WDR70: variants seen among roughly 807,000 people sequenced by gnomAD.
WDR70 encodes the protein WD repeat-containing protein 70.
Under a neutral mutation model 88.6 loss-of-function variants are expected in WDR70, and 53 were observed. The observed-to-expected ratio is 0.60, with a 90% CI of 0.48 to 0.75. The LOEUF (loss-of-function observed/expected upper bound fraction) is 0.75. WDR70 is among the 30% of genes least tolerant of loss of function. The probability of loss-of-function intolerance (pLI) is 0.00; values close to 1 mark genes in which losing one functional copy is unlikely to be tolerated. For synonymous variants in WDR70, 280 were observed against 270.0 expected, an observed-to-expected ratio of 1.04 and a Z score of -0.36; for missense variants, 610 against 823.2, an observed-to-expected ratio of 0.74 and a Z score of 3.17.
At chr5:37,607,985 T>G (rs1744081090) in intron 10 of WDR70, among the ~76,000 whole-genome samples, 1 of 150,920 alleles carries the variant, frequency 6.6e-6, no homozygotes, top group Admixed American at 6.6e-5. Context: ...ATTGGAGCAG[T>G]AAAAGCATGC....
intron 9 of WDR70, among the ~76,000 whole-genome samples, chr5:37,602,214 A>G (rs1486258506): frequency 1.3e-5 from 2 of 151,974 alleles, no homozygotes; most frequent in African/African-American, 2.4e-5. Flanking sequence ...AACTTAAAGT[A>G]TATATATATA....
intron 10 of WDR70, among the ~76,000 whole-genome samples, chr5:37,649,673 G>A (rs1745337617): frequency 6.8e-6 from 1 of 146,546 alleles, no homozygotes; most frequent in African/African-American, 2.5e-5. Context: ...AAAAGTTATA[G>A]TACATATGTA....
intron 9 of WDR70, among the ~76,000 whole-genome samples, chr5:37,598,653 A>C (rs1014757182): frequency 7.2e-5 from 11 of 152,226 alleles, no homozygotes; most frequent in African/African-American, 2.7e-4. Context: ...CAATTACACT[A>C]TGATTTTATG....
intron 9 of WDR70, among the ~76,000 whole-genome samples, chr5:37,559,699 GC>G (rs1345224487): frequency 1.1e-4 from 17 of 152,166 alleles, no homozygotes; most frequent in Admixed American, 2.6e-4. Flanking sequence ...ACAAAAATTA[GC>G]TGGGGGTGGT....
At chr5:37,442,284 G>A (rs1049711922) in intron 6 of WDR70, among the ~76,000 whole-genome samples, 2 of 151,674 alleles carry the variant, frequency 1.3e-5, no homozygotes, top group African/African-American at 4.8e-5. Context: ...TGATCCGCCC[G>A]CCTTAGCCTC....
intron 9 of WDR70, among the ~76,000 whole-genome samples, chr5:37,545,202 T>G (rs980430599): frequency 1.9e-4 from 29 of 152,166 alleles, no homozygotes; most frequent in Non-Finnish European, 1.8e-4. Flanking sequence ...TAGCAGCTGT[T>G]GGTATGACAA....
chr5:37,398,936 G>GT (rs919122140), intron 5 of WDR70, among the ~76,000 whole-genome samples: 1 of 152,068 alleles, frequency 6.6e-6, no homozygotes, highest in Non-Finnish European at 1.5e-5. Flanking sequence ...GAGGTCAGGA[G>GT]TTTGAGACTA....
chr5:37,715,904 GCACACACAAACA>G (rs1747641039), intron 13 of WDR70, among the ~76,000 whole-genome samples: 1 of 151,642 alleles, frequency 6.6e-6, no homozygotes. Flanking sequence ...TCTGGAATCT[GCACACACAAACA>G]CACACACACG....
At chr5:37,604,949 A>G (rs1411188611) in intron 9 of WDR70, 115 bp from the exon 10 acceptor site, 13 of 839,162 alleles carry the variant, frequency 1.5e-5, no homozygotes, top group Admixed American at 3.4e-5. Flanking sequence ...TAAAATAATT[A>G]TTAGATTTAT....
intron 5 of WDR70, among the ~76,000 whole-genome samples, chr5:37,436,488 T>C (rs971294077): frequency 2.6e-5 from 4 of 152,148 alleles, no homozygotes; most frequent in South Asian, 2.1e-4. Context: ...AGGAGATAAA[T>C]AGTTACCATG....
intron 7 of WDR70, among the ~76,000 whole-genome samples, chr5:37,464,467 A>G (rs2112113886): frequency 6.6e-6 from 1 of 152,372 alleles, no homozygotes; most frequent in African/African-American, 2.4e-5. Flanking sequence ...GATCAGTACG[A>G]AGAATTGCTA....
chr5:37,538,042 C>A (rs1741713013), intron 9 of WDR70, among the ~76,000 whole-genome samples: 1 of 152,138 alleles, frequency 6.6e-6, no homozygotes, highest in South Asian at 2.1e-4. Flanking sequence ...ATTGCTTTAT[C>A]TTATTCTCTT....
Position 37,752,714 on chromosome 5 carries a change from G to A in WDR70, c.*141G>A, listed in dbSNP as rs899880090. 5 of 634,470 alleles carry A rather than the reference G, an allele frequency of 7.9e-6. No individual in the cohort carries two copies. The African/African-American group carries it at 9.6e-5, about 12-fold the overall frequency. The allele number at this position is 634,470 out of a possible 1,614,324, so 39.3% of individuals were successfully genotyped here. A position where few individuals can be genotyped will look rare whatever the true frequency, so the allele number is the denominator to read the frequency against. ...CATTATTGAACTGGTCAAAAGTTTG[G>A]TGGCTAGGCTTCACTAAAATTGTGC... On this transcript the variant is annotated 3_prime_UTR_variant, in exon 18 of 18. Coordinates refer to ENST00000265107, the MANE Select transcript of WDR70 (RefSeq NM_018034.4).
intron 10 of WDR70, among the ~76,000 whole-genome samples, chr5:37,629,602 C>T (rs541962659): frequency 1.6e-4 from 25 of 152,232 alleles, no homozygotes; most frequent in African/African-American, 5.8e-4. Flanking sequence ...ATTTAATTCT[C>T]AGCTCTAGGA....
At chr5:37,395,703 G>A (rs563680717) in intron 4 of WDR70, among the ~76,000 whole-genome samples, 1 of 152,044 alleles carries the variant, frequency 6.6e-6, no homozygotes, top group East Asian at 1.9e-4. Context: ...AGTTAATTGA[G>A]GCACTGGATA....
intron 7 of WDR70, among the ~76,000 whole-genome samples, chr5:37,470,347 T>A (rs1034714077): frequency 6.6e-6 from 1 of 152,096 alleles, no homozygotes; most frequent in Admixed American, 6.6e-5. Context: ...ATTTTTATAA[T>A]GTTTAAATTA....
chr5:37,584,849 C>T (rs1743320428), intron 9 of WDR70, among the ~76,000 whole-genome samples: 1 of 151,592 alleles, frequency 6.6e-6, no homozygotes, highest in Non-Finnish European at 1.5e-5. Flanking sequence ...ATGCTGACCA[C>T]CATAATCTCT....
chr5:37,579,181 G>T (rs1743146090), intron 9 of WDR70, among the ~76,000 whole-genome samples: 2 of 152,158 alleles, frequency 1.3e-5, no homozygotes, highest in South Asian at 4.1e-4. Context: ...GATACCACTG[G>T]GTTTGTAAAT....
At chr5:37,557,858 T>A in intron 9 of WDR70, among the ~76,000 whole-genome samples, 1 of 12,050 alleles carries the variant, frequency 8.3e-5, no homozygotes, top group East Asian at 2.5e-3. Flanking sequence ...TATTTATATT[T>A]TGTATTGTAT....
Sources: gnomAD v4.1 joint callset for allele counts (sites outside exome capture counted in the v4.1 genomes callset) on GRCh38, gnomAD v4.1.1 for gene constraint, MANE v1.5 for transcripts, NCBI Gene and HGNC (gene_info 2026-07-23, HGNC 2026-07-21) for gene names.